The following FOXP2 variants were observed in gnomAD, a reference collection of about 807,000 sequenced individuals.
FOXP2 encodes forkhead box protein P2.
FOXP2 carries 12 observed loss-of-function variants against 115.8 expected under a neutral mutation model. The ratio of observed to expected loss-of-function variants is 0.10; its 90% CI spans 0.07 to 0.17. The LOEUF is 0.17. Among genes scored for constraint, FOXP2 ranks in the 10% least tolerant of loss-of-function variants. FOXP2 has a pLI of 1.00. For synonymous variants in FOXP2, 328 were observed against 297.7 expected (o/e 1.10, Z -1.05); for missense variants, 629 against 843.5 (o/e 0.75, Z 3.15).
intron 2 of FOXP2, among the ~76,000 whole-genome samples, chr7:114,379,224 TC>T (rs1311172864): frequency 1.3e-5 from 2 of 152,196 alleles, no homozygotes; most frequent in Non-Finnish European, 2.9e-5. Flanking sequence ...CCCACTGTGC[TC>T]TCAGGCAATA....
At chr7:114,305,730 T>C (rs888307351) in intron 2 of FOXP2, among the ~76,000 whole-genome samples, 2 of 152,162 alleles carry the variant, frequency 1.3e-5, no homozygotes, top group Non-Finnish European at 2.9e-5. Flanking sequence ...ATGCAGTTAA[T>C]GAAAACACTT....
At chr7:114,167,958 G>A (rs541658785) in intron 1 of FOXP2, among the ~76,000 whole-genome samples, 2 of 144,628 alleles carry the variant, frequency 1.4e-5, no homozygotes, top group South Asian at 4.4e-4. Context: ...AAAAAAACAC[G>A]AGAGTTTGCC....
chr7:114,509,029 T>C (rs1797951068), intron 2 of FOXP2, among the ~76,000 whole-genome samples: 1 of 152,096 alleles, frequency 6.6e-6, no homozygotes, highest in Non-Finnish European at 1.5e-5. Context: ...TGAGAGATTC[T>C]AGACAGAGGG....
At chr7:114,407,600 T>G (rs1346161742) in intron 2 of FOXP2, among the ~76,000 whole-genome samples, 1 of 152,120 alleles carries the variant, frequency 6.6e-6, no homozygotes, top group Non-Finnish European at 1.5e-5. Context: ...ACAATATGAA[T>G]AACCATGTTA....
intron 2 of FOXP2, among the ~76,000 whole-genome samples, chr7:114,458,084 C>T (rs774540530): frequency 5.9e-5 from 9 of 151,902 alleles, no homozygotes; most frequent in Non-Finnish European, 1.0e-4. Flanking sequence ...AAATCCAGAA[C>T]AAAACTCAAG....
chr7:114,458,546 C>CTTT (rs1177402028), intron 2 of FOXP2, among the ~76,000 whole-genome samples: 30 of 113,400 alleles, frequency 2.6e-4, no homozygotes, highest in South Asian at 5.8e-4. Flanking sequence ...ATTTTCTTTT[C>CTTT]TTTTTTTTTT....
At chr7:114,529,651 G>T (rs1265743895) in intron 2 of FOXP2, among the ~76,000 whole-genome samples, 1 of 151,414 alleles carries the variant, frequency 6.6e-6, no homozygotes, top group Non-Finnish European at 1.5e-5. Context: ...TTAATAATTA[G>T]CTTTTAAAAC....
At chr7:114,177,207 A>G (rs1428884990) in intron 1 of FOXP2, among the ~76,000 whole-genome samples, 1 of 152,178 alleles carries the variant, frequency 6.6e-6, no homozygotes, top group Non-Finnish European at 1.5e-5. Context: ...ACCTAGGAGT[A>G]GAATTTTTGT....
In FOXP2 at chr7:114,689,840, T is replaced by C; in HGVS notation, c.2062T>C (p.Ser688Pro). ...VIAEDEDCPMSLVTTANHSPE... is the reference protein window; with the variant it reads ...VIAEDEDCPMPLVTTANHSPE... ...TGCAGAGGATGAAGACTGCCCAATG[T>C]CCTTAGTGACAACAGCTAATCACAG... is the stretch of plus-strand genomic sequence containing the variant. Residue 688 changes from serine (S) to proline (P), a missense_variant, in exon 17 of 17, where the codon TCC becomes CCC. Physicochemically the swap from Ser to Pro is moderately conservative, Grantham distance 74. Around this residue, in one of 9 missense-constraint regions of FOXP2, gnomAD observed 117 missense variants for 112.3 expected, o/e 1.04. Coordinates refer to ENST00000350908, the MANE Select transcript of FOXP2 (RefSeq NM_014491.4). 3.1e-6 allele frequency: 5 copies of C among 1,613,524 alleles called. No homozygotes were observed. Among genetic ancestry groups the C allele is most frequent in the Non-Finnish European group, 3.4e-6 (4 of 1,179,594 alleles).
At chr7:114,440,765 G>A (rs1241032258) in intron 2 of FOXP2, among the ~76,000 whole-genome samples, 2 of 152,098 alleles carry the variant, frequency 1.3e-5, no homozygotes, top group Non-Finnish European at 2.9e-5. Flanking sequence ...CTATTCTACA[G>A]AGACTAAGCT....
chr7:114,646,126 T>C (rs998452304), intron 8 of FOXP2, among the ~76,000 whole-genome samples: 2 of 149,602 alleles, frequency 1.3e-5, no homozygotes, highest in African/African-American at 2.4e-5. Context: ...TTTTAACAAA[T>C]TATTTCCCAT....
At chr7:114,263,619 G>T (rs1268919360) in intron 1 of FOXP2, among the ~76,000 whole-genome samples, 2 of 151,368 alleles carry the variant, frequency 1.3e-5, no homozygotes, top group Non-Finnish European at 3.0e-5. Context: ...GTGCCTGGCT[G>T]ATGTTCTTTT....
intron 2 of FOXP2, among the ~76,000 whole-genome samples, chr7:114,355,647 T>G (rs1201829385): frequency 2.6e-5 from 4 of 152,078 alleles, no homozygotes; most frequent in African/African-American, 9.7e-5. Context: ...TTATGTAGTT[T>G]AAAAAAACAA....
At chr7:114,445,292 G>A (rs528574257) in intron 2 of FOXP2, among the ~76,000 whole-genome samples, 3 of 152,114 alleles carry the variant, frequency 2.0e-5, no homozygotes, top group African/African-American at 7.2e-5. Context: ...TTAAGAAAAT[G>A]AGTTTGTGCC....
chr7:114,130,658 G>T (rs1791848875), intron 1 of FOXP2, among the ~76,000 whole-genome samples: 1 of 152,142 alleles, frequency 6.6e-6, no homozygotes, highest in Non-Finnish European at 1.5e-5. Flanking sequence ...AACTTTTAGT[G>T]TGTGAAGTAG....
At chr7:114,207,862 T>C (rs1190519362) in intron 1 of FOXP2, among the ~76,000 whole-genome samples, 2 of 152,232 alleles carry the variant, frequency 1.3e-5, no homozygotes, top group African/African-American at 4.8e-5. Flanking sequence ...AATGCCATGA[T>C]TAAAAATAAC....
chr7:114,461,747 TGA>T (rs1795568783), intron 2 of FOXP2, among the ~76,000 whole-genome samples: 1 of 152,066 alleles, frequency 6.6e-6, no homozygotes, highest in Non-Finnish European at 1.5e-5. Flanking sequence ...TCCCTTCCCT[TGA>T]TTATTCAGTA....
rs988287167 is a variant in FOXP2, at chr7:114,693,202, C to T, written c.*3276C>T. 4.9e-5 allele frequency: 22 copies of T among 452,308 alleles called. No homozygotes were observed. Among genetic ancestry groups the T allele is most frequent in the Middle Eastern group, 6.9e-4 (1 of 1,456 alleles). 28.0% of individuals were successfully genotyped at this position (452,308 alleles called of 1,614,324 possible). On this transcript the variant is annotated 3_prime_UTR_variant, in exon 17 of 17. Coordinates refer to ENST00000350908, the MANE Select transcript of FOXP2 (RefSeq NM_014491.4). ...AAGTATTTGGTAGAATTACCACTAA[C>T]TGGGTTTTCTTTAGATAACTCAGAT...
intron 2 of FOXP2, among the ~76,000 whole-genome samples, chr7:114,357,223 G>A (rs1415746327): frequency 6.6e-6 from 1 of 152,074 alleles, no homozygotes; most frequent in Non-Finnish European, 1.5e-5. Context: ...TATTTTGGGT[G>A]CTTAACCAGC....
Sources: allele counts gnomAD v4.1 joint callset (sites outside exome capture counted in the v4.1 genomes callset), GRCh38; gene constraint gnomAD v4.1.1; regional missense constraint gnomAD v4.1.1; transcripts MANE v1.5; gene names NCBI Gene and HGNC (gene_info 2026-07-23, HGNC 2026-07-21).